Variants in ABCA8 observed in about 807,000 individuals in gnomAD.
ABCA8 encodes the protein ABC-type organic anion transporter ABCA8.
In ABCA8, 177 loss-of-function variants were observed where a neutral mutation model predicts 192.3. The ratio of observed to expected loss-of-function variants is 0.92; its 90% CI spans 0.81 to 1.04. The LOEUF is 1.04. ABCA8 is among the 50% of genes least tolerant of loss of function. The probability of loss-of-function intolerance (pLI) is 0.00; values close to 1 mark genes in which losing one functional copy is unlikely to be tolerated. For missense variants in ABCA8, 1,915 were observed against 1,904.8 expected (o/e 1.01, Z -0.10); for synonymous variants, 642 against 690.2 (o/e 0.93, Z 1.09).
At position 68,929,145 on chromosome 17, in the gene ABCA8, A is replaced by C; in HGVS notation, c.1029T>G (p.Cys343Trp). The C allele has an allele frequency of 6.2e-7, 1 of 1,612,068 alleles. No homozygotes were observed. Among genetic ancestry groups the C allele is most frequent in the Non-Finnish European group, 8.5e-7 (1 of 1,178,806 alleles). The change falls in exon 9 of 40, where the codon TGT becomes TGG. Residue 343 changes from cysteine to tryptophan, a missense_variant. By Grantham distance (215) the Cys-to-Trp change is radical (BLOSUM62 -2). Transcript: ENST00000586539. Reference protein sequence around the residue: ...VVFLLTVFWGCLGFTSLYRHL... With the variant: ...VVFLLTVFWGWLGFTSLYRHL... ...GTCTGTACAGTGATGTGAACCCCAG[A>C]CACCCCCAAAAGACAGTGAGGAGGA...
intron 33 of ABCA8, among the ~76,000 whole-genome samples, chr17:68,877,040 AT>A (rs2066226105): frequency 6.6e-6 from 1 of 152,126 alleles, no homozygotes. Flanking sequence ...GTCTGACTCT[AT>A]CCCCGAGGCT....
At chr17:68,902,173 C>T (rs146166528) in intron 21 of ABCA8, among the ~76,000 whole-genome samples, 25 of 152,176 alleles carry the variant, frequency 1.6e-4, no homozygotes, top group East Asian at 7.7e-4. Flanking sequence ...ACATGCTAAG[C>T]GAAAGAAGTC....
intron 27 of ABCA8, chr17:68,884,803 T>C: frequency 1.0e-6 from 1 of 985,344 alleles, no homozygotes; most frequent in Non-Finnish European, 1.2e-6. Context: ...TTTGCATAGG[T>C]ATAGGTATCA....
chr17:68,897,359 A>G (rs976693896), intron 21 of ABCA8, among the ~76,000 whole-genome samples: 1 of 152,228 alleles, frequency 6.6e-6, no homozygotes, highest in African/African-American at 2.4e-5. Flanking sequence ...AATAATCACA[A>G]GCTTCAAGAC....
chr17:68,944,154 G>A (rs150494101), intron 2 of ABCA8, among the ~76,000 whole-genome samples: 2 of 150,922 alleles, frequency 1.3e-5, no homozygotes, highest in African/African-American at 2.4e-5. Flanking sequence ...GGTCCTGTTG[G>A]GGGGTGAGAG....
chr17:68,917,405 A>C lies in ABCA8; in HGVS notation c.2094T>G (p.Ser698=). The C allele has an allele frequency of 6.2e-7, 1 of 1,612,746 alleles. No homozygotes were observed. Among genetic ancestry groups the C allele is most frequent in the Non-Finnish European group, 8.5e-7 (1 of 1,179,236 alleles). Reference sequence around the variant, plus strand: ...CCCATTTCTTCTTTAGAAACAAAGAAGAGCCCGCGCACTTTAGCTTCCCTT... The same window carrying C: ...CCCATTTCTTCTTTAGAAACAAAGACGAGCCCGCGCACTTTAGCTTCCCTT... ...LSQGKLKCAG[S]SLFLKKKWGI... The change falls in exon 17 of 40, where the codon TCT becomes TCG. Residue 698 remains serine, a synonymous_variant. Transcript: ENST00000586539.
In ABCA8 at chr17:68,954,162, A is replaced by C. The variant is rs987025344; in HGVS notation, c.-167+1057T>G. ...TAACTCGTCATCTAGCATTAGGTAT[A>C]TCTCCCAATGCTATCCCTCCCCCCT... On this transcript the variant is annotated intron_variant, in intron 1 of 39. Transcript: ENST00000586539. Among the ~76,000 whole-genome samples, 16 of 147,512 alleles carry C rather than the reference A, an allele frequency of 1.1e-4. 1 individual carries two copies. The highest frequency in any genetic ancestry group is 4.0e-4 in the African/African-American group (16 of 40,354).
chr17:68,882,095 A>T, intron 30 of ABCA8, 115 bp from the exon 31 acceptor site: 1 of 835,002 alleles, frequency 1.2e-6, no homozygotes, highest in Non-Finnish European at 1.9e-6. Context: ...GCATCAAAGA[A>T]GACCTTCTAT....
Position 68,917,451 on chromosome 17 carries a change from T to C in ABCA8, c.2048A>G (p.Asp683Gly). ...QFMDEADILA[D>G]RKVFLSQGKL... ...CCCTTGGGAGAGAAATACTTTCCTG[T>C]CTGAAAAAGAAGAAGAGCAAAGAAG... is the stretch of plus-strand genomic sequence containing the variant. Residue 683 changes from aspartate to glycine, a missense_variant and splice_region_variant, in exon 17 of 40, where the codon GAC becomes GGC. Physicochemically the swap from Asp to Gly is moderately conservative, Grantham distance 94. Transcript: ENST00000586539. 1 of 1,603,766 alleles carries C rather than the reference T, an allele frequency of 6.2e-7. No homozygotes were observed. The highest frequency in any genetic ancestry group is 8.5e-7 in the Non-Finnish European group (1 of 1,175,702).
Position 68,923,167 on chromosome 17 carries a change from T to C in ABCA8, c.1443-867A>G, listed in dbSNP as rs571588274. Among the ~76,000 whole-genome samples the C allele has an allele frequency of 8.8e-4, 134 of 151,772 alleles. 1 individual carries two copies. Among genetic ancestry groups the C allele is most frequent in the African/African-American group, 3.2e-3 (132 of 41,482 alleles). ...TATTCATAAAATATTCAGTCTCTATTCATATAAAGCTATTTAATTAGATAT... is the reference window on the plus strand; with the variant it reads ...TATTCATAAAATATTCAGTCTCTATCCATATAAAGCTATTTAATTAGATAT... On this transcript the variant is annotated intron_variant, in intron 11 of 39. Coordinates refer to ENST00000586539, the MANE Select transcript of ABCA8 (RefSeq NM_001288985.2).
At position 68,940,967 on chromosome 17, in the gene ABCA8, A is replaced by T. The variant is rs1292091336; in HGVS notation, c.97-5T>A. The T allele has an allele frequency of 6.3e-7, 1 of 1,577,692 alleles. No homozygotes were observed. Among genetic ancestry groups the T allele is most frequent in the Non-Finnish European group, 8.7e-7 (1 of 1,150,294 alleles). ...GAGCAATGAATTCAGCCATTCCTAT[A>T]TAATACAGGAAAAAAGATAAAGAAA... On this transcript the variant is annotated splice_region_variant and splice_polypyrimidine_tract_variant and intron_variant, in intron 3 of 39. Transcript: ENST00000586539.
chr17:68,897,888 G>A (rs186566178), intron 21 of ABCA8, among the ~76,000 whole-genome samples: 9 of 152,116 alleles, frequency 5.9e-5, no homozygotes, highest in Non-Finnish European at 1.3e-4. Context: ...ATATGCAATG[G>A]AAGTTACAGA....
chr17:68,932,289 A>G lies in ABCA8; in HGVS notation c.796T>C (p.Trp266Arg). 1 of 1,608,990 alleles carries G rather than the reference A, an allele frequency of 6.2e-7. No individual in the cohort carries two copies. The highest frequency in any genetic ancestry group is 1.1e-5 in the South Asian group (1 of 90,974). ...TMMGLRDSAF[W>R]LSWGLLYAGF... ...TTATTTGTGCTGCGTTTGACTCACC[A>G]GAACGCTGAATCCCGAAGACCCATC... The change falls in exon 7 of 40, where the codon TGG becomes CGG. Residue 266 changes from tryptophan (W) to arginine (R), a missense_variant and splice_region_variant. Physicochemically the swap from Trp to Arg is moderately radical, Grantham distance 101 (BLOSUM62 -3). Coordinates refer to ENST00000586539, the MANE Select transcript of ABCA8 (RefSeq NM_001288985.2).
intron 25 of ABCA8, 26 bp from the exon 26 acceptor site, chr17:68,887,156 T>A: frequency 1.3e-6 from 2 of 1,518,576 alleles, no homozygotes; most frequent in Non-Finnish European, 1.8e-6. Context: ...ATGTGAAGCT[T>A]AGTTAAATAC....
intron 17 of ABCA8, among the ~76,000 whole-genome samples, chr17:68,913,687 G>C (rs1350010096): frequency 1.3e-5 from 2 of 152,056 alleles, no homozygotes; most frequent in Non-Finnish European, 2.9e-5. Context: ...GAACCGTGAA[G>C]AAATCCAAAA....
At chr17:68,930,692 T>C (rs1369306115) in intron 7 of ABCA8, among the ~76,000 whole-genome samples, 1 of 152,188 alleles carries the variant, frequency 6.6e-6, no homozygotes, top group East Asian at 1.9e-4. Context: ...GGGTGTTATG[T>C]AACTATGTTT....
At chr17:68,903,644 A>G in intron 19 of ABCA8, 145 bp from the exon 20 acceptor site, 1 of 667,278 alleles carries the variant, frequency 1.5e-6, no homozygotes. Flanking sequence ...AAATACAGAA[A>G]TAGAAGAAAT....
In ABCA8 at chr17:68,882,055, A is replaced by G. The variant is rs1231067863; in HGVS notation, c.3829-75T>C. On this transcript the variant is annotated intron_variant, in intron 30 of 39. Transcript: ENST00000586539. ...CTTTGAAACAAAATTCCATCTTCCC[A>G]TTGGCTGGACCCTTTGTTGCCCCAG... is the stretch of plus-strand genomic sequence containing the variant. 3.1e-6 allele frequency: 4 copies of G among 1,292,372 alleles called. No individual in the cohort carries two copies. In the South Asian group the frequency reaches 3.7e-5, roughly 12 times the overall value. The allele number at this position is 1,292,372 out of a possible 1,614,324, so 80.1% of individuals were successfully genotyped here.
Position 68,868,053 on chromosome 17 carries a change from C to T in ABCA8, c.*32G>A, listed in dbSNP as rs1203780489. 12 of 1,488,206 alleles carry T rather than the reference C, an allele frequency of 8.1e-6. No homozygotes were observed. The highest frequency in any genetic ancestry group is 4.3e-5 in the African/African-American group (3 of 70,420). The allele number at this position is 1,488,206 out of a possible 1,614,324, so 92.2% of individuals were successfully genotyped here. ...AAATAAATGTATTTAAAAAAAACCA[C>T]GGGTTTAAACAGGAACACAGAATTT... is the stretch of plus-strand genomic sequence containing the variant. On this transcript the variant is annotated 3_prime_UTR_variant, in exon 40 of 40. Transcript: ENST00000586539.
Sources: allele counts gnomAD v4.1 joint callset (sites outside exome capture counted in the v4.1 genomes callset), GRCh38; gene constraint gnomAD v4.1.1; transcripts MANE v1.5; gene names NCBI Gene and HGNC (gene_info 2026-07-23, HGNC 2026-07-21).